The following UNC5D variants were observed in gnomAD, a reference collection of about 807,000 sequenced individuals.
UNC5D encodes netrin receptor UNC5D.
UNC5D carries 39 observed loss-of-function variants against 105.4 expected under a neutral mutation model. The observed-to-expected ratio is 0.37, with a 90% CI of 0.29 to 0.48. UNC5D has a LOEUF of 0.48. Among genes scored for constraint, UNC5D ranks in the 20% least tolerant of loss-of-function variants. The pLI is 0.98. For missense variants in UNC5D, 991 were observed against 1,202.4 expected, an observed-to-expected ratio of 0.82 and a Z score of 2.60; for synonymous variants, 452 against 450.4, an observed-to-expected ratio of 1.00 and a Z score of -0.04.
chr8:35,615,281 G>A (rs555620990), intron 4 of UNC5D, among the ~76,000 whole-genome samples: 1 of 152,148 alleles, frequency 6.6e-6, no homozygotes, highest in Admixed American at 6.5e-5. Context: ...CTTTGTGCCT[G>A]TCAGCTCTAC....
At chr8:35,716,038 GT>G (rs887064414) in intron 8 of UNC5D, among the ~76,000 whole-genome samples, 3 of 152,162 alleles carry the variant, frequency 2.0e-5, no homozygotes, top group African/African-American at 7.2e-5. Context: ...CATAGCATCA[GT>G]TTTTTGATGA....
chr8:35,691,198 A>T (rs1264714428), intron 7 of UNC5D, among the ~76,000 whole-genome samples: 2 of 152,188 alleles, frequency 1.3e-5, no homozygotes, highest in Non-Finnish European at 1.5e-5. Flanking sequence ...CAAGAAAATA[A>T]ATACGGCTGG....
rs184373949 is a variant in UNC5D, at chr8:35,361,314, G to A, written c.103+125427G>A. On this transcript the variant is annotated intron_variant, in intron 1 of 16. Transcript: ENST00000404895. ...CATTTGTAGAAAAAAAGGATGGACTGTATGATGTCTAAGAAGACCTAACTA... is the reference window on the plus strand; with the variant it reads ...CATTTGTAGAAAAAAAGGATGGACTATATGATGTCTAAGAAGACCTAACTA... Among the ~76,000 whole-genome samples, 441 of 152,208 alleles carry A rather than the reference G, an allele frequency of 2.9e-3. 6 individuals carry two copies. The highest frequency in any genetic ancestry group is 0.01 in the African/African-American group (427 of 41,526).
intron 1 of UNC5D, among the ~76,000 whole-genome samples, chr8:35,436,816 A>G (rs1481239299): frequency 1.3e-5 from 2 of 152,088 alleles, no homozygotes; most frequent in African/African-American, 4.8e-5. Context: ...AAAACAAATG[A>G]CAGACATACA....
At position 35,271,560 on chromosome 8, in the gene UNC5D, A is replaced by T. The variant is rs188834707; in HGVS notation, c.103+35673A>T. Among the ~76,000 whole-genome samples the T allele has an allele frequency of 3.4e-5, 5 of 145,488 alleles. No homozygotes were observed. In the East Asian group the frequency reaches 1.0e-3, roughly 30 times the overall value. ...ATTTTATATATGTATACATATGTAT[A>T]CCTATATTTATACAGGCATACATAT... is the stretch of plus-strand genomic sequence containing the variant. On this transcript the variant is annotated intron_variant, in intron 1 of 16. Coordinates refer to ENST00000404895, the MANE Select transcript of UNC5D (RefSeq NM_080872.4).
chr8:35,786,436 G>C (rs1392966979), intron 16 of UNC5D, among the ~76,000 whole-genome samples: 2 of 152,058 alleles, frequency 1.3e-5, no homozygotes, highest in Admixed American at 6.6e-5. Context: ...GACATTTGCA[G>C]AACTTTTCAG....
At chr8:35,422,743 A>G (rs995123434) in intron 1 of UNC5D, among the ~76,000 whole-genome samples, 1 of 152,238 alleles carries the variant, frequency 6.6e-6, no homozygotes, top group East Asian at 1.9e-4. Context: ...TGTGCCAGGT[A>G]GTAGGGAAAT....
At chr8:35,717,962 T>C (rs1276030321) in intron 8 of UNC5D, among the ~76,000 whole-genome samples, 2 of 152,206 alleles carry the variant, frequency 1.3e-5, no homozygotes, top group Admixed American at 6.5e-5. Context: ...CAGCTCTCGA[T>C]TAATCTTTTC....
intron 1 of UNC5D, among the ~76,000 whole-genome samples, chr8:35,370,459 T>C (rs1219240213): frequency 2.6e-5 from 4 of 152,236 alleles, no homozygotes; most frequent in Non-Finnish European, 5.9e-5. Context: ...TGTAATTGTG[T>C]CTAGGAGATT....
chr8:35,284,752 T>C (rs982122213), intron 1 of UNC5D, among the ~76,000 whole-genome samples: 2 of 151,718 alleles, frequency 1.3e-5, no homozygotes, highest in African/African-American at 4.8e-5. Context: ...TTAGTGGAGA[T>C]GGGGTTTCAC....
chr8:35,487,114 C>T (rs980660195), intron 1 of UNC5D, among the ~76,000 whole-genome samples: 1 of 152,128 alleles, frequency 6.6e-6, no homozygotes, highest in Admixed American at 6.6e-5. Flanking sequence ...GGAAAAAATC[C>T]TCAGTCTTTG....
At chr8:35,559,781 A>C (rs150365246) in intron 2 of UNC5D, among the ~76,000 whole-genome samples, 1 of 152,208 alleles carries the variant, frequency 6.6e-6, no homozygotes, top group East Asian at 1.9e-4. Flanking sequence ...ACAGTGAAGC[A>C]TATACCTTCA....
intron 1 of UNC5D, among the ~76,000 whole-genome samples, chr8:35,387,534 C>T (rs912167036): frequency 2.0e-5 from 3 of 152,176 alleles, no homozygotes; most frequent in Non-Finnish European, 4.4e-5. Context: ...GTGCTGGAAC[C>T]TTCTTTAATA....
intron 1 of UNC5D, among the ~76,000 whole-genome samples, chr8:35,499,495 TG>T (rs1245779147): frequency 6.6e-6 from 1 of 152,208 alleles, no homozygotes; most frequent in Non-Finnish European, 1.5e-5. Context: ...GATCATTTGT[TG>T]GGGAAACTTT....
Position 35,324,690 on chromosome 8 carries a change from G to T in UNC5D, c.103+88803G>T, listed in dbSNP as rs78513858. 1.6e-3 allele frequency among the ~76,000 whole-genome samples: 247 copies of T among 152,280 alleles called. 6 individuals carry two copies. In the East Asian group the frequency reaches 0.043, roughly 27 times the overall value. ...CTAATATTCAGCATGAGATGACCAT[G>T]TTGCTAAATAAAAATGAATATTATA... is the stretch of plus-strand genomic sequence containing the variant. On this transcript the variant is annotated intron_variant, in intron 1 of 16. Coordinates refer to ENST00000404895, the MANE Select transcript of UNC5D (RefSeq NM_080872.4).
chr8:35,390,503 T>C (rs1488510304), intron 1 of UNC5D, among the ~76,000 whole-genome samples: 2 of 152,172 alleles, frequency 1.3e-5, no homozygotes, highest in African/African-American at 2.4e-5. Flanking sequence ...AAAAAAATAT[T>C]ATGGAGAAAA....
chr8:35,272,215 T>C (rs891450214), intron 1 of UNC5D, among the ~76,000 whole-genome samples: 1 of 152,182 alleles, frequency 6.6e-6, no homozygotes, highest in Non-Finnish European at 1.5e-5. Context: ...AAAAAGTAAC[T>C]ATTACTTGAA....
At chr8:35,479,325 A>G (rs1810322268) in intron 1 of UNC5D, among the ~76,000 whole-genome samples, 1 of 152,146 alleles carries the variant, frequency 6.6e-6, no homozygotes, top group Non-Finnish European at 1.5e-5. Flanking sequence ...TCCATATCTG[A>G]TTAGTGAGAC....
intron 1 of UNC5D, among the ~76,000 whole-genome samples, chr8:35,431,267 A>G (rs1806615127): frequency 6.6e-6 from 1 of 152,210 alleles, no homozygotes; most frequent in South Asian, 2.1e-4. Context: ...GAGGATGTCC[A>G]TGACTCAGTT....
Sources: gnomAD v4.1 joint callset for allele counts (sites outside exome capture counted in the v4.1 genomes callset) on GRCh38, gnomAD v4.1.1 for gene constraint, MANE v1.5 for transcripts, NCBI Gene and HGNC (gene_info 2026-07-23, HGNC 2026-07-21) for gene names.